Variants in RAPGEF5 observed in about 807,000 individuals in gnomAD.
RAPGEF5 encodes M-Ras-regulated GEF.
A neutral mutation model predicts 125.2 loss-of-function variants in RAPGEF5; 65 were observed. That is an observed-to-expected ratio of 0.52 (90% CI 0.43 to 0.64). The LOEUF (loss-of-function observed/expected upper bound fraction) is 0.64, where lower values mean the gene tolerates loss of function less well. Among genes scored for constraint, RAPGEF5 ranks in the 30% least tolerant of loss-of-function variants. The pLI is 0.00. For synonymous variants in RAPGEF5, 391 were observed against 385.9 expected (o/e 1.01, Z -0.16); for missense variants, 958 against 1,048.1 (o/e 0.91, Z 1.19).
chr7:22,145,207 A>G lies in RAPGEF5; in HGVS notation c.2023T>C (p.Phe675Leu). Reference protein sequence around the residue: ...NSIHEQELIYFTFSRQGSGEH... With the variant: ...NSIHEQELIYLTFSRQGSGEH... ...CCACTTCCCTGTCTGCTGAACGTGA[A>G]GTAGATCAGCTCTTGCTGAAAGAAA... is the stretch of plus-strand genomic sequence containing the variant. The change falls in exon 20 of 26, where the codon TTC (phenylalanine) becomes CTC (leucine). Residue 675 changes from phenylalanine to leucine, a missense_variant. Phe to Leu is a conservative substitution (Grantham distance 22). Coordinates refer to ENST00000665637, the MANE Select transcript of RAPGEF5 (RefSeq NM_012294.5). The G allele has an allele frequency of 6.2e-7, 1 of 1,612,256 alleles. No individual in the cohort carries two copies. Among genetic ancestry groups the G allele is most frequent in the African/African-American group, 1.3e-5 (1 of 75,066 alleles).
chr7:22,262,549 T>A (rs923602044), intron 7 of RAPGEF5, among the ~76,000 whole-genome samples: 1 of 152,056 alleles, frequency 6.6e-6, no homozygotes, highest in Non-Finnish European at 1.5e-5. Context: ...AACATAAACA[T>A]AGAACACAGC....
chr7:22,320,495 T>C (rs1783693384), intron 1 of RAPGEF5, among the ~76,000 whole-genome samples: 2 of 152,198 alleles, frequency 1.3e-5, no homozygotes, highest in Admixed American at 1.3e-4. Flanking sequence ...GCCATCTTAT[T>C]GCTGCTGTAA....
In RAPGEF5 at chr7:22,154,644, T is replaced by C. The variant is rs756279172; in HGVS notation, c.1637-40A>G. Reference sequence around the variant, plus strand: ...AGAATTGTTTGGAAACAGAGAACAGTGGTCACGAGGTATAGACTTTTCCAA... The same window carrying C: ...AGAATTGTTTGGAAACAGAGAACAGCGGTCACGAGGTATAGACTTTTCCAA... On this transcript the variant is annotated intron_variant, in intron 16 of 25. Coordinates refer to ENST00000665637, the MANE Select transcript of RAPGEF5 (RefSeq NM_012294.5). 20 of 1,603,688 alleles carry C rather than the reference T, an allele frequency of 1.2e-5. No individual in the cohort carries two copies. In the East Asian group the frequency reaches 3.6e-4, roughly 29 times the overall value.
intron 1 of RAPGEF5, among the ~76,000 whole-genome samples, chr7:22,340,217 A>T (rs1434497086): frequency 6.6e-6 from 1 of 152,188 alleles, no homozygotes; most frequent in African/African-American, 2.4e-5. Context: ...ATGACAGCAA[A>T]CAAGCGCCTG....
At chr7:22,316,489 A>ATATATATATATATT (rs1201099897) in intron 2 of RAPGEF5, among the ~76,000 whole-genome samples, 1 of 50,644 alleles carries the variant, frequency 2.0e-5, no homozygotes, top group African/African-American at 8.2e-5. Flanking sequence ...ATATATATAT[A>ATATATATATATATT]TTTTTTTTTT....
At chr7:22,188,822 C>G (rs977588002) in intron 11 of RAPGEF5, among the ~76,000 whole-genome samples, 3 of 150,174 alleles carry the variant, frequency 2.0e-5, no homozygotes, top group African/African-American at 7.4e-5. Flanking sequence ...TGGACTCTAT[C>G]AGTTGAGTGA....
rs746514108 is a variant in RAPGEF5 at position 22,193,716 on chromosome 7, C to T, written c.1115+199G>A. ...TAAATGCTAAAAGATCTTGCCATCC[C>T]TGTCCTTTCACTGGGAACTGAGTCC... On this transcript the variant is annotated intron_variant, in intron 10 of 25. Coordinates refer to ENST00000665637, the MANE Select transcript of RAPGEF5 (RefSeq NM_012294.5). The T allele has an allele frequency of 3.2e-6, 5 of 1,553,570 alleles. No individual in the cohort carries two copies. The South Asian group carries it at 3.5e-5, about 11-fold the overall frequency.
rs1312291355 is a variant in RAPGEF5, at chr7:22,119,468, C to T, written c.*2938G>A. On this transcript the variant is annotated 3_prime_UTR_variant, in exon 26 of 26. Transcript: ENST00000665637. This position sits in a 1 kb window ranked among gnomAD's most constrained non-coding sequence, Gnocchi z 4.1. The stretch of plus-strand genomic sequence containing the variant: ...CAGATGACAAAGAGCAAATTCAAAA[C>T]ACCACACTCTAGGGAACACCTGCAA... 1 of 152,186 alleles carries T rather than the reference C, an allele frequency of 6.6e-6. No individual in the cohort carries two copies. Among genetic ancestry groups the T allele is most frequent in the Non-Finnish European group, 1.5e-5 (1 of 68,022 alleles). The allele number at this position is 152,186 out of a possible 1,614,324, so 9.4% of individuals were successfully genotyped here.
At chr7:22,270,105 G>A (rs1782383300) in intron 6 of RAPGEF5, among the ~76,000 whole-genome samples, 2 of 152,184 alleles carry the variant, frequency 1.3e-5, no homozygotes, top group Admixed American at 6.5e-5. Context: ...ACTGACCTTT[G>A]ATCATCTATG....
At chr7:22,201,523 C>T (rs1321321724) in intron 9 of RAPGEF5, among the ~76,000 whole-genome samples, 2 of 152,208 alleles carry the variant, frequency 1.3e-5, no homozygotes, top group Non-Finnish European at 2.9e-5. Flanking sequence ...CTTCTTCCTG[C>T]TGTCCAGAAA....
At chr7:22,165,101 A>G (rs1311578659) in intron 12 of RAPGEF5, among the ~76,000 whole-genome samples, 1 of 152,194 alleles carries the variant, frequency 6.6e-6, no homozygotes, top group African/African-American at 2.4e-5. Flanking sequence ...AATCATAAAG[A>G]AAGACTTCTG....
At chr7:22,349,978 C>T (rs752509689) in intron 1 of RAPGEF5, among the ~76,000 whole-genome samples, 5 of 152,144 alleles carry the variant, frequency 3.3e-5, no homozygotes, top group Non-Finnish European at 5.9e-5. Flanking sequence ...TTCCCTTGTC[C>T]GTACCCATTA....
At chr7:22,203,647 T>G (rs759645940) in intron 9 of RAPGEF5, among the ~76,000 whole-genome samples, 10 of 152,172 alleles carry the variant, frequency 6.6e-5, no homozygotes, top group Non-Finnish European at 8.8e-5. Context: ...GACTCGGAGG[T>G]ACATCCATTC....
chr7:22,316,126 G>A (rs1783583837), intron 2 of RAPGEF5, among the ~76,000 whole-genome samples: 1 of 151,922 alleles, frequency 6.6e-6, no homozygotes, highest in South Asian at 2.1e-4. Flanking sequence ...GGAGGATGAA[G>A]AAGGGTAGTT....
chr7:22,246,686 G>A lies in RAPGEF5; in HGVS notation c.797-15767C>T, dbSNP rs186908700. Among the ~76,000 whole-genome samples, 422 of 152,076 alleles carry A rather than the reference G, an allele frequency of 2.8e-3. 1 individual carries two copies. The highest frequency in any genetic ancestry group is 9.7e-3 in the African/African-American group (401 of 41,530). On this transcript the variant is annotated intron_variant, in intron 7 of 25. Coordinates refer to ENST00000665637, the MANE Select transcript of RAPGEF5 (RefSeq NM_012294.5). ...CCTTGGCAAAAAAAAATTATTACTA[G>A]GCCTTCAAAAGCAATTGCAGCAAAA...
At chr7:22,295,793 C>T (rs1043171726) in intron 5 of RAPGEF5, among the ~76,000 whole-genome samples, 5 of 151,930 alleles carry the variant, frequency 3.3e-5, no homozygotes, top group East Asian at 1.9e-4. Flanking sequence ...TTTACCCACA[C>T]GGTATTTCCT....
intron 3 of RAPGEF5, among the ~76,000 whole-genome samples, chr7:22,315,030 A>G (rs564521376): frequency 6.6e-6 from 1 of 152,254 alleles, no homozygotes; most frequent in East Asian, 1.9e-4. Flanking sequence ...AGGCCCCTAA[A>G]GAGGGGATCT....
In RAPGEF5 at chr7:22,118,832, A is replaced by G. The variant is rs1473260685; in HGVS notation, c.*3574T>C. On this transcript the variant is annotated 3_prime_UTR_variant, in exon 26 of 26. Transcript: ENST00000665637. ...CTCTGCTAAAAAATGTTTAGTATAT[A>G]CAGCTTTGCTTTATACAGTAATACA... is the stretch of plus-strand genomic sequence containing the variant. The G allele has an allele frequency of 6.6e-6, 1 of 152,626 alleles. No homozygotes were observed. The highest frequency in any genetic ancestry group is 1.5e-5 in the Non-Finnish European group (1 of 68,046). 9.5% of individuals were successfully genotyped at this position (152,626 alleles called of 1,614,324 possible).
chr7:22,197,097 G>T (rs1048213838), intron 9 of RAPGEF5, among the ~76,000 whole-genome samples: 1 of 152,086 alleles, frequency 6.6e-6, no homozygotes, highest in Non-Finnish European at 1.5e-5. Context: ...CGCTGTATCA[G>T]GAGACCCCAG....
Sources: gnomAD v4.1 joint callset for allele counts (sites outside exome capture counted in the v4.1 genomes callset) on GRCh38, gnomAD v4.1.1 for gene constraint, Gnocchi (gnomAD v3.1) non-coding constraint, MANE v1.5 for transcripts, NCBI Gene and HGNC (gene_info 2026-07-23, HGNC 2026-07-21) for gene names.